Variants in KIAA0232 observed in about 807,000 individuals in gnomAD.
The protein encoded by KIAA0232 is KIAA0232, also known as uncharacterized protein KIAA0232.
In KIAA0232, 27 loss-of-function variants were observed where a neutral mutation model predicts 122.0. That is an observed-to-expected ratio of 0.22 (90% CI 0.16 to 0.31). The LOEUF is 0.31. KIAA0232 is among the 10% of genes least tolerant of loss of function. The pLI is 1.00. For missense variants in KIAA0232, 1,551 were observed against 1,634.2 expected, an observed-to-expected ratio of 0.95 and a Z score of 0.88; for synonymous variants, 613 against 587.6, an observed-to-expected ratio of 1.04 and a Z score of -0.63.
chr4:6,862,541 C>T lies in KIAA0232; in HGVS notation c.2159C>T (p.Thr720Ile). The T allele has an allele frequency of 6.2e-7, 1 of 1,613,274 alleles. No individual in the cohort carries two copies. The highest frequency in any genetic ancestry group is 8.5e-7 in the Non-Finnish European group (1 of 1,179,708). The part of the protein sequence containing the change: ...TCSPWSHSEE[T>I]RSDNETLNIQ... ...AGTCCATGGTCCCATTCAGAAGAAA[C>T]ACGTTCAGACAATGAAACATTAAAT... The change falls in exon 7 of 10, where the codon ACA (threonine) becomes ATA (isoleucine). Residue 720 changes from threonine (T) to isoleucine (I), a missense_variant. Thr to Ile is a moderately conservative substitution (Grantham distance 89, BLOSUM62 -1). Transcript: ENST00000307659.
chr4:6,800,023 T>TTTTCTTTCTTTC (rs757767534), intron 1 of KIAA0232, among the ~76,000 whole-genome samples: 1 of 141,612 alleles, frequency 7.1e-6, no homozygotes, highest in African/African-American at 2.6e-5. Context: ...TCTGTTTTCT[T>TTTTCTTTCTTTC]TTTCTTTCTT....
intron 2 of KIAA0232, among the ~76,000 whole-genome samples, chr4:6,813,339 G>A (rs555190073): frequency 6.6e-6 from 1 of 151,238 alleles, no homozygotes; most frequent in East Asian, 1.9e-4. Context: ...AATAATTTAA[G>A]TACTTAGATC....
intron 1 of KIAA0232, among the ~76,000 whole-genome samples, chr4:6,797,291 C>T (rs1717171527): frequency 6.6e-6 from 1 of 152,172 alleles, no homozygotes; most frequent in African/African-American, 2.4e-5. Flanking sequence ...TGCATTTTGC[C>T]ATTGGCTAAA....
chr4:6,863,718 T>G lies in KIAA0232; in HGVS notation c.3336T>G (p.Ser1112=). 2 of 1,614,238 alleles carry G rather than the reference T, an allele frequency of 1.2e-6. No homozygotes were observed. Among genetic ancestry groups the G allele is most frequent in the Non-Finnish European group, 1.7e-6 (2 of 1,180,038 alleles). Reference sequence around the variant, plus strand: ...CTCGGACTCACTTTCGCCCAATTTCTGCATCCGAACTGTCCCCAGGAGGAG... The same window carrying G: ...CTCGGACTCACTTTCGCCCAATTTCGGCATCCGAACTGTCCCCAGGAGGAG... ...ISPRTHFRPI[S]ASELSPGGGS... Residue 1112 remains serine, a synonymous_variant, in exon 7 of 10, where the codon TCT becomes TCG. Transcript: ENST00000307659.
Position 6,819,853 on chromosome 4 carries a change from C to A in KIAA0232, c.-269-4332C>A, listed in dbSNP as rs1216827708. The stretch of plus-strand genomic sequence containing the variant: ...AAAGATACGGAATCAACCTAGGTGC[C>A]CATCAACAGTGGATTGCATAAATAA... On this transcript the variant is annotated intron_variant, in intron 2 of 9. Coordinates refer to ENST00000307659, the MANE Select transcript of KIAA0232 (RefSeq NM_014743.3). 1.5e-4 allele frequency among the ~76,000 whole-genome samples: 23 copies of A among 152,074 alleles called. 1 individual carries two copies. Among genetic ancestry groups the A allele is most frequent in the Admixed American group, 1.5e-3 (23 of 15,278 alleles).
intron 4 of KIAA0232, among the ~76,000 whole-genome samples, chr4:6,849,939 G>A (rs535882086): frequency 4.4e-4 from 67 of 152,266 alleles, no homozygotes; most frequent in African/African-American, 1.5e-3. Context: ...GGTTGGTGGG[G>A]TAGAGTGGTT....
chr4:6,857,809 A>T (rs1577403389), intron 5 of KIAA0232, among the ~76,000 whole-genome samples: 1 of 152,186 alleles, frequency 6.6e-6, no homozygotes, highest in African/African-American at 2.4e-5. Flanking sequence ...CGAGACCTTC[A>T]TATTAAGGGT....
rs1380841329 is a variant in KIAA0232 at position 6,824,167 on chromosome 4, C to T, written c.-269-18C>T. 6.3e-5 allele frequency: 31 copies of T among 488,878 alleles called. No individual in the cohort carries two copies. Among genetic ancestry groups the T allele is most frequent in the Middle Eastern group, 5.2e-4 (1 of 1,906 alleles). 30.3% of individuals were successfully genotyped at this position (488,878 alleles called of 1,614,324 possible). ...TTTATATATAATGCATACTTTTTTTCCTCTCTCATTTTTGTAGGTTCTGCC... is the reference window on the plus strand; with the variant it reads ...TTTATATATAATGCATACTTTTTTTTCTCTCTCATTTTTGTAGGTTCTGCC... On this transcript the variant is annotated intron_variant, in intron 2 of 9. Transcript: ENST00000307659.
intron 1 of KIAA0232, among the ~76,000 whole-genome samples, chr4:6,784,821 CT>C (rs143969707): frequency 0.04 from 6,066 of 152,022 alleles, 172 homozygotes; most frequent in Non-Finnish European, 0.056. Flanking sequence ...AGTGCAGGTG[CT>C]TTTTTGTTTG....
Position 6,855,133 on chromosome 4 carries a change from G to A in KIAA0232, c.370-2031G>A, listed in dbSNP as rs1720503565. On this transcript the variant is annotated intron_variant, in intron 4 of 9. Transcript: ENST00000307659. This position sits in a 1 kb window ranked among gnomAD's most constrained non-coding sequence, Gnocchi z 4.3. The stretch of plus-strand genomic sequence containing the variant: ...CGAGTCTCGCTCTGTTGCCCAGGCT[G>A]GAGTGCAATGACGCGATCTCAGCTC... 6.6e-6 allele frequency among the ~76,000 whole-genome samples: 1 copy of A among 151,674 alleles called. No homozygotes were observed. Among genetic ancestry groups the A allele is most frequent in the Non-Finnish European group, 1.5e-5 (1 of 67,940 alleles).
chr4:6,789,300 G>A (rs185362795), intron 1 of KIAA0232, among the ~76,000 whole-genome samples: 1 of 134,420 alleles, frequency 7.4e-6, no homozygotes, highest in Admixed American at 8.0e-5. Flanking sequence ...CCGAGACTGA[G>A]TTTTACTCTG....
chr4:6,841,019 T>A (rs1418471707), intron 3 of KIAA0232, among the ~76,000 whole-genome samples: 2 of 152,210 alleles, frequency 1.3e-5, no homozygotes, highest in Non-Finnish European at 2.9e-5. Flanking sequence ...CAAATACAAG[T>A]ATAAAGAACA....
chr4:6,848,804 T>G (rs1720114005), intron 4 of KIAA0232, among the ~76,000 whole-genome samples: 1 of 152,208 alleles, frequency 6.6e-6, no homozygotes. Flanking sequence ...ATTATGTACA[T>G]TGCAGGAAGT....
At chr4:6,858,563 C>A in intron 6 of KIAA0232, 57 bp downstream of exon 6, 1 of 1,107,334 alleles carries the variant, frequency 9.0e-7, no homozygotes, top group Non-Finnish European at 1.3e-6. Context: ...AGATGAATAA[C>A]TGCTACATGG....
chr4:6,857,252 G>A (rs188187503), intron 5 of KIAA0232, 22 bp downstream of exon 5: 69 of 1,597,232 alleles, frequency 4.3e-5, no homozygotes, highest in Admixed American at 1.5e-4. Flanking sequence ...AGCACTGTGC[G>A]CACACATGCC....
chr4:6,839,766 A>G (rs558606036), intron 3 of KIAA0232, among the ~76,000 whole-genome samples: 4 of 152,146 alleles, frequency 2.6e-5, no homozygotes, highest in Non-Finnish European at 5.9e-5. Flanking sequence ...GAGACAAAAG[A>G]CCTGTAGATC....
chr4:6,817,585 C>G (rs1274931218), intron 2 of KIAA0232, among the ~76,000 whole-genome samples: 1 of 152,266 alleles, frequency 6.6e-6, no homozygotes, highest in East Asian at 1.9e-4. Flanking sequence ...CTTGATGTTA[C>G]CAGTTATAAT....
intron 2 of KIAA0232, among the ~76,000 whole-genome samples, chr4:6,804,925 G>A (rs1034905298): frequency 6.6e-6 from 1 of 150,904 alleles, no homozygotes; most frequent in Non-Finnish European, 1.5e-5. Flanking sequence ...GAAGCAAAAC[G>A]GGTCAATGAA....
intron 2 of KIAA0232, among the ~76,000 whole-genome samples, chr4:6,806,693 C>A (rs532899667): frequency 7.1e-6 from 1 of 141,672 alleles, no homozygotes; most frequent in Admixed American, 7.5e-5. Context: ...AAGATCATGC[C>A]ACTGCACTCC....
Sources: gnomAD v4.1 joint callset for allele counts (sites outside exome capture counted in the v4.1 genomes callset) on GRCh38, gnomAD v4.1.1 for gene constraint, Gnocchi (gnomAD v3.1) non-coding constraint, MANE v1.5 for transcripts, NCBI Gene and HGNC (gene_info 2026-07-23, HGNC 2026-07-21) for gene names.